Variants in KIDINS220 observed in about 807,000 individuals in gnomAD.
The protein encoded by KIDINS220 is kinase D-interacting substrate of 220 kDa.
Under a neutral mutation model 157.6 loss-of-function variants are expected in KIDINS220, and 63 were observed. The ratio of observed to expected loss-of-function variants is 0.40; its 90% CI spans 0.33 to 0.49. The LOEUF is 0.49. KIDINS220 is among the 20% of genes least tolerant of loss of function. KIDINS220 has a pLI of 0.66. For missense variants in KIDINS220, 1,772 were observed against 2,171.2 expected, an observed-to-expected ratio of 0.82 and a Z score of 3.65; for synonymous variants, 732 against 783.6, an observed-to-expected ratio of 0.93 and a Z score of 1.10.
intron 9 of KIDINS220, 126 bp from the exon 10 acceptor site, chr2:8,798,426 T>A (rs1674255889): frequency 1.7e-6 from 1 of 603,214 alleles, no homozygotes; most frequent in Non-Finnish European, 2.9e-6. Context: ...ATACTATTAA[T>A]CCTTATGCTA....
At chr2:8,765,419 G>A (rs1669343228) in intron 22 of KIDINS220, among the ~76,000 whole-genome samples, 1 of 152,082 alleles carries the variant, frequency 6.6e-6, no homozygotes, top group Non-Finnish European at 1.5e-5. Flanking sequence ...ATATCAGAGA[G>A]CCAGACCATG....
chr2:8,806,203 A>G, intron 7 of KIDINS220, 68 bp downstream of exon 7: 1 of 1,208,292 alleles, frequency 8.3e-7, no homozygotes, highest in Middle Eastern at 2.0e-4. Flanking sequence ...ACACTAAAGA[A>G]ATAAATTCTC....
chr2:8,739,803 T>G (rs536418072), intron 26 of KIDINS220, among the ~76,000 whole-genome samples: 1 of 152,372 alleles, frequency 6.6e-6, no homozygotes, highest in East Asian at 1.9e-4. Flanking sequence ...GCAGAAGATA[T>G]TAGTGTGTTT....
chr2:8,760,985 G>A (rs1668672461), intron 22 of KIDINS220, among the ~76,000 whole-genome samples: 1 of 152,104 alleles, frequency 6.6e-6, no homozygotes, highest in African/African-American at 2.4e-5. Flanking sequence ...GGTAAGAGAG[G>A]CAAAATAATT....
At chr2:8,790,141 T>C in intron 13 of KIDINS220, 82 bp from the exon 14 acceptor site, 1 of 1,305,416 alleles carries the variant, frequency 7.7e-7, no homozygotes, top group Non-Finnish European at 1.1e-6. Context: ...GTTTTCACAT[T>C]TTCAATGTAA....
intron 1 of KIDINS220, among the ~76,000 whole-genome samples, chr2:8,828,442 CTTA>C (rs1356044921): frequency 1.3e-5 from 2 of 152,206 alleles, no homozygotes; most frequent in African/African-American, 4.8e-5. Flanking sequence ...ATATTGTTCA[CTTA>C]TTGTCTGTCT....
At chr2:8,773,326 T>A (rs1252021750) in intron 21 of KIDINS220, among the ~76,000 whole-genome samples, 1 of 152,230 alleles carries the variant, frequency 6.6e-6, no homozygotes, top group Admixed American at 6.5e-5. Context: ...ATCATTATTT[T>A]AAAAATGTGT....
downstream of KIDINS220, chr2:8,726,839 A>C (rs1362850156): frequency 2.0e-6 from 2 of 976,028 alleles, no homozygotes; most frequent in Non-Finnish European, 2.8e-6. Flanking sequence ...AAACGTCCTA[A>C]CGTGGCATAT....
intron 8 of KIDINS220, among the ~76,000 whole-genome samples, chr2:8,800,877 C>A (rs1221874940): frequency 6.6e-6 from 1 of 152,140 alleles, no homozygotes; most frequent in Non-Finnish European, 1.5e-5. Context: ...GTAAAAATAT[C>A]TTGGAATAAT....
chr2:8,809,655 C>T (rs1676006048), intron 6 of KIDINS220, among the ~76,000 whole-genome samples: 2 of 151,378 alleles, frequency 1.3e-5, no homozygotes, highest in Admixed American at 6.6e-5. Context: ...TCTCTATGTC[C>T]GCTATCTAGT....
intron 9 of KIDINS220, 105 bp from the exon 10 acceptor site, chr2:8,798,405 C>T (rs1037755263): frequency 4.5e-6 from 3 of 668,586 alleles, no homozygotes; most frequent in Non-Finnish European, 7.9e-6. Context: ...CAACAGGCAG[C>T]ATGGTAGGAA....
intron 11 of KIDINS220, chr2:8,794,196 C>T (rs2148291035): frequency 5.1e-6 from 2 of 390,590 alleles, no homozygotes; most frequent in East Asian, 8.6e-5. Context: ...TACTGTTTCT[C>T]CCACAGCCCT....
intron 18 of KIDINS220, among the ~76,000 whole-genome samples, chr2:8,779,363 T>C (rs1671391854): frequency 6.6e-6 from 1 of 152,242 alleles, no homozygotes; most frequent in South Asian, 2.1e-4. Flanking sequence ...ATATTGTCCT[T>C]CTTTCAGACA....
intron 22 of KIDINS220, among the ~76,000 whole-genome samples, chr2:8,753,976 G>A (rs1019005283): frequency 3.3e-5 from 5 of 152,154 alleles, no homozygotes; most frequent in East Asian, 1.9e-4. Context: ...CATTAAAATC[G>A]TGTTCAAACT....
At chr2:8,777,056 C>T (rs1671065032) in intron 20 of KIDINS220, among the ~76,000 whole-genome samples, 164 bp from the exon 21 acceptor site, 2 of 152,144 alleles carry the variant, frequency 1.3e-5, no homozygotes, top group Admixed American at 6.5e-5. Context: ...GTAGAATCTT[C>T]GTAAAGCAAT....
At chr2:8,766,806 C>T (rs1669550793) in intron 22 of KIDINS220, among the ~76,000 whole-genome samples, 1 of 152,144 alleles carries the variant, frequency 6.6e-6, no homozygotes, top group African/African-American at 2.4e-5. Context: ...GTTTTCTCCA[C>T]ACAACAAAAG....
Position 8,834,717 on chromosome 2 carries a change from C to T in KIDINS220, c.-37+2763G>A, listed in dbSNP as rs187720768. 2.4e-3 allele frequency among the ~76,000 whole-genome samples: 364 copies of T among 152,352 alleles called. 1 individual carries two copies. Among genetic ancestry groups the T allele is most frequent in the Non-Finnish European group, 3.9e-3 (264 of 68,042 alleles). On this transcript the variant is annotated intron_variant, in intron 1 of 29. Transcript: ENST00000256707. Reference sequence around the variant, plus strand: ...AATGGACATGCCCAAGCTGATCCAACCACCTGTAATGCCTGACCCAACTTT... The same window carrying T: ...AATGGACATGCCCAAGCTGATCCAATCACCTGTAATGCCTGACCCAACTTT...
intron 22 of KIDINS220, among the ~76,000 whole-genome samples, chr2:8,760,799 T>C (rs1285082726): frequency 6.6e-6 from 1 of 152,226 alleles, no homozygotes; most frequent in Non-Finnish European, 1.5e-5. Context: ...GCTTCATTTA[T>C]TGGACTTTTG....
At chr2:8,794,082 T>A in intron 11 of KIDINS220, 95 bp from the exon 12 acceptor site, 1 of 954,208 alleles carries the variant, frequency 1.0e-6, no homozygotes, top group South Asian at 2.0e-5. Context: ...TAACAAAATC[T>A]GAACTTTTCT....
Sources: gnomAD v4.1 joint callset for allele counts (sites outside exome capture counted in the v4.1 genomes callset) on GRCh38, gnomAD v4.1.1 for gene constraint, MANE v1.5 for transcripts, NCBI Gene and HGNC (gene_info 2026-07-23, HGNC 2026-07-21) for gene names.